Variants in IMMT observed in about 807,000 individuals in gnomAD.
IMMT encodes the protein inner membrane mitochondrial protein.
Under a neutral mutation model 92.7 loss-of-function variants are expected in IMMT, and 40 were observed. The ratio of observed to expected loss-of-function variants is 0.43; its 90% CI spans 0.34 to 0.56. IMMT has a LOEUF of 0.56. Ranked by LOEUF, IMMT falls within the 20% of genes least tolerant of loss-of-function variation. The probability of loss-of-function intolerance (pLI) is 0.03; values close to 1 mark genes in which losing one functional copy is unlikely to be tolerated. For missense variants in IMMT, 831 were observed against 912.1 expected (o/e 0.91, Z 1.14); for synonymous variants, 322 against 336.1 (o/e 0.96, Z 0.46).
At chr2:86,182,994 C>G (rs1672535894) in intron 1 of IMMT, among the ~76,000 whole-genome samples, 1 of 152,100 alleles carries the variant, frequency 6.6e-6, no homozygotes, top group African/African-American at 2.4e-5. Flanking sequence ...TGTTTTCCTT[C>G]TATTCTGTAA....
intron 3 of IMMT, among the ~76,000 whole-genome samples, chr2:86,178,333 A>AAG (rs1264576598): frequency 9.1e-5 from 11 of 121,488 alleles, no homozygotes; most frequent in Non-Finnish European, 1.3e-4. Context: ...AAAAAAAAAG[A>AAG]AAAAAAAAAA....
rs1309349314 is a variant in IMMT at position 86,144,072 on chromosome 2, A to G, written c.*196T>C. The G allele has an allele frequency of 3.1e-6, 2 of 644,056 alleles. No individual in the cohort carries two copies. The highest frequency in any genetic ancestry group is 5.3e-6 in the Non-Finnish European group (2 of 379,422). The allele number at this position is 644,056 out of a possible 1,614,324, so 39.9% of individuals were successfully genotyped here. The stretch of plus-strand genomic sequence containing the variant: ...AACAGAAAATGTTACACAAGTTGCA[A>G]AGAAAGCACTCCTGGCGTTCACTGA... On this transcript the variant is annotated 3_prime_UTR_variant, in exon 15 of 15. Transcript: ENST00000410111.
chr2:86,163,959 C>A (rs868209015), intron 7 of IMMT, among the ~76,000 whole-genome samples: 11 of 91,958 alleles, frequency 1.2e-4, no homozygotes, highest in South Asian at 3.7e-4. Context: ...ACTCCATCTC[C>A]AAAAAAAAAG....
At chr2:86,158,796 T>C (rs1194821455) in intron 9 of IMMT, 75 bp from the exon 10 acceptor site, 2 of 1,202,226 alleles carry the variant, frequency 1.7e-6, no homozygotes, top group Admixed American at 2.3e-5. Context: ...AGAAGTAGTA[T>C]TCCTTCATTT....
chr2:86,174,550 C>T (rs766545357), intron 3 of IMMT, among the ~76,000 whole-genome samples: 6 of 152,154 alleles, frequency 3.9e-5, no homozygotes, highest in Admixed American at 6.5e-5. Flanking sequence ...CAAGATATAT[C>T]AGTGGCTTTA....
intron 1 of IMMT, among the ~76,000 whole-genome samples, chr2:86,185,883 C>T (rs1422772906): frequency 2.6e-5 from 4 of 152,122 alleles, no homozygotes; most frequent in Non-Finnish European, 5.9e-5. Context: ...AGGGTAGAAC[C>T]AAGAGCTGAG....
chr2:86,183,847 AG>A (rs1214248439), intron 1 of IMMT, among the ~76,000 whole-genome samples: 1 of 152,210 alleles, frequency 6.6e-6, no homozygotes, highest in Non-Finnish European at 1.5e-5. Flanking sequence ...AAGCTTCCCA[AG>A]GGATTTCATG....
chr2:86,150,023 AAT>A (rs1433200004), intron 12 of IMMT, among the ~76,000 whole-genome samples: 1 of 152,216 alleles, frequency 6.6e-6, no homozygotes, highest in African/African-American at 2.4e-5. Flanking sequence ...GGGGCAACTG[AAT>A]ATGAGTTGAT....
chr2:86,160,519 T>A (rs1039356196), intron 8 of IMMT, among the ~76,000 whole-genome samples: 5 of 152,232 alleles, frequency 3.3e-5, no homozygotes, highest in Non-Finnish European at 7.3e-5. Context: ...CAAAGTGATA[T>A]GAGCATAATG....
intron 1 of IMMT, 93 bp downstream of exon 1, chr2:86,195,245 C>T (rs1573963550): frequency 7.4e-7 from 1 of 1,358,008 alleles, no homozygotes; most frequent in South Asian, 1.5e-5. Context: ...TCGCCTTTGT[C>T]CTGGAGGCTA....
chr2:86,173,096 A>G (rs1372245312), intron 4 of IMMT, among the ~76,000 whole-genome samples: 2 of 152,252 alleles, frequency 1.3e-5, no homozygotes, highest in African/African-American at 2.4e-5. Context: ...AAAGAAAGTC[A>G]GGTGATTTAA....
At chr2:86,171,862 A>ATATT (rs111461385) in intron 4 of IMMT, among the ~76,000 whole-genome samples, 53 of 149,942 alleles carry the variant, frequency 3.5e-4, no homozygotes, top group Middle Eastern at 3.4e-3. Flanking sequence ...ATATATATAT[A>ATATT]TTTTTTGCAC....
In IMMT at chr2:86,144,020, AC is replaced by A. The variant is rs1327215843; in HGVS notation, c.*247del. 1 of 563,066 alleles carries A rather than the reference AC, an allele frequency of 1.8e-6. No individual in the cohort carries two copies. The highest frequency in any genetic ancestry group is 3.1e-5 in the East Asian group (1 of 32,428). The allele number at this position is 563,066 out of a possible 1,614,324, so 34.9% of individuals were successfully genotyped here. On this transcript the variant is annotated 3_prime_UTR_variant, in exon 15 of 15. Transcript: ENST00000410111. ...CACAAACATTATTTTGATTGGCCTC[AC>A]AAGCCTCATCAGTAAAACCTGAAAA...
At chr2:86,188,708 G>A (rs568971557) in intron 1 of IMMT, among the ~76,000 whole-genome samples, 10 of 152,348 alleles carry the variant, frequency 6.6e-5, no homozygotes, top group African/African-American at 2.4e-4. Context: ...TGACAGGCAT[G>A]AGCCACAGAG....
intron 14 of IMMT, among the ~76,000 whole-genome samples, chr2:86,145,179 G>A (rs1674903616): frequency 2.0e-5 from 3 of 152,132 alleles, no homozygotes; most frequent in Admixed American, 2.0e-4. Context: ...CTAAGGCCAT[G>A]AGAAATTTTC....
At chr2:86,178,320 AAAAAAAAAAAAG>A (rs1677579739) in intron 3 of IMMT, among the ~76,000 whole-genome samples, 1 of 146,716 alleles carries the variant, frequency 6.8e-6, no homozygotes, top group East Asian at 2.0e-4. Flanking sequence ...TCCATCTCAA[AAAAAAAAAAAAG>A]AAAAAAAAAA....
intron 4 of IMMT, among the ~76,000 whole-genome samples, chr2:86,172,201 C>G (rs1354325901): frequency 1.3e-5 from 2 of 152,056 alleles, no homozygotes; most frequent in African/African-American, 4.8e-5. Context: ...AACTGCTAGG[C>G]TCAAGTGATC....
At chr2:86,151,242 A>G in intron 12 of IMMT, 55 bp downstream of exon 12, 1 of 1,412,752 alleles carries the variant, frequency 7.1e-7, no homozygotes, top group Non-Finnish European at 9.9e-7. Context: ...TCTACAAGTA[A>G]ACAATCAAGT....
chr2:86,170,705 G>A (rs1173035792), intron 6 of IMMT, 44 bp downstream of exon 6: 1 of 1,273,706 alleles, frequency 7.9e-7, no homozygotes. Context: ...GAGAGCAACT[G>A]GGAGATGACC....
Sources: allele counts gnomAD v4.1 joint callset (sites outside exome capture counted in the v4.1 genomes callset), GRCh38; gene constraint gnomAD v4.1.1; transcripts MANE v1.5; gene names NCBI Gene and HGNC (gene_info 2026-07-23, HGNC 2026-07-21).